Variants in KLF12 observed in about 807,000 individuals in gnomAD.
KLF12 encodes the protein Krueppel-like factor 12.
In KLF12, 9 loss-of-function variants were observed where a neutral mutation model predicts 37.8. That is an observed-to-expected ratio of 0.24 (90% CI 0.14 to 0.42). The LOEUF (loss-of-function observed/expected upper bound fraction) is 0.42. Ranked by LOEUF, KLF12 falls within the 10% of genes least tolerant of loss-of-function variation. The pLI is 1.00. For synonymous variants in KLF12, 208 were observed against 202.1 expected (o/e 1.03, Z -0.25); for missense variants, 411 against 516.0 (o/e 0.80, Z 1.97).
At chr13:74,160,553 C>A in the KLF12 span, among the ~76,000 whole-genome samples, 1 of 152,176 alleles carries the variant, frequency 6.6e-6, no homozygotes, top group Non-Finnish European at 1.5e-5. Flanking sequence ...AATAAAGTGT[C>A]TTTATGTAAG....
chr13:73,888,178 A>AT (rs1158327912), intron 3 of KLF12, among the ~76,000 whole-genome samples: 18 of 151,978 alleles, frequency 1.2e-4, no homozygotes, highest in Admixed American at 1.0e-3. Flanking sequence ...AATCTTCTGT[A>AT]TTTTTTGCAG....
intron 7 of KLF12, among the ~76,000 whole-genome samples, chr13:73,711,366 G>C (rs1875385418): frequency 6.6e-6 from 1 of 152,228 alleles, no homozygotes; most frequent in Admixed American, 6.5e-5. Flanking sequence ...TTCTGAGCTA[G>C]AGAGGAGAAG....
chr13:74,272,661 C>G, the KLF12 span, among the ~76,000 whole-genome samples: 2 of 152,046 alleles, frequency 1.3e-5, no homozygotes, highest in Non-Finnish European at 1.5e-5. Context: ...CTGAAAGAAA[C>G]AAGAATAAAC....
chr13:73,763,697 T>C (rs913486207), intron 6 of KLF12, among the ~76,000 whole-genome samples: 3 of 152,198 alleles, frequency 2.0e-5, no homozygotes, highest in Non-Finnish European at 2.9e-5. Context: ...ACTCTACCCA[T>C]TAGCTTGTGG....
chr13:73,818,595 C>A (rs1206631844), intron 4 of KLF12, among the ~76,000 whole-genome samples: 1 of 152,250 alleles, frequency 6.6e-6, no homozygotes, highest in African/African-American at 2.4e-5. Context: ...TGCACCCACT[C>A]TTAAGGAAAA....
intron 7 of KLF12, among the ~76,000 whole-genome samples, chr13:73,711,999 A>G (rs1183228612): frequency 1.3e-5 from 2 of 152,198 alleles, no homozygotes; most frequent in African/African-American, 4.8e-5. Flanking sequence ...CAGGGCTTCC[A>G]TGGAGAAAGG....
chr13:73,964,580 T>C (rs550645127), intron 2 of KLF12, among the ~76,000 whole-genome samples: 34 of 143,544 alleles, frequency 2.4e-4, no homozygotes, highest in African/African-American at 7.4e-4. Context: ...CCATCCTGGC[T>C]AACATGGTGA....
intron 3 of KLF12, among the ~76,000 whole-genome samples, chr13:73,887,703 T>C (rs1197259418): frequency 7.0e-6 from 1 of 142,114 alleles, no homozygotes; most frequent in Admixed American, 7.0e-5. Context: ...TTAAAAAGGT[T>C]CATTTTGTTC....
chr13:73,959,883 A>G (rs764656361), intron 2 of KLF12, among the ~76,000 whole-genome samples: 4 of 152,156 alleles, frequency 2.6e-5, no homozygotes, highest in Non-Finnish European at 5.9e-5. Context: ...GCAAACCACC[A>G]CCACCTTTTG....
chr13:74,150,415 C>T, the KLF12 span, among the ~76,000 whole-genome samples: 1 of 152,190 alleles, frequency 6.6e-6, no homozygotes. Context: ...ACATTTCGTT[C>T]ATGCCTTTCA....
intron 1 of KLF12, among the ~76,000 whole-genome samples, chr13:73,997,709 G>GT (rs143762106): frequency 0.072 from 10,924 of 152,276 alleles, 518 homozygotes; most frequent in Non-Finnish European, 0.1. Flanking sequence ...AAGCACAGAA[G>GT]TTTTAAAGGC....
intron 5 of KLF12, among the ~76,000 whole-genome samples, chr13:73,788,903 G>C (rs921731973): frequency 6.6e-6 from 1 of 152,066 alleles, no homozygotes; most frequent in African/African-American, 2.4e-5. Flanking sequence ...CCACAGTATG[G>C]TAAGTCTCAG....
At chr13:74,144,091 C>T in the KLF12 span, among the ~76,000 whole-genome samples, 2 of 152,260 alleles carry the variant, frequency 1.3e-5, no homozygotes, top group East Asian at 3.9e-4. Flanking sequence ...TTTTTCCATC[C>T]TGTTGGCTGC....
At chr13:74,054,083 G>C (rs1457473895) in intron 1 of KLF12, among the ~76,000 whole-genome samples, 1 of 152,126 alleles carries the variant, frequency 6.6e-6, no homozygotes, top group African/African-American at 2.4e-5. Flanking sequence ...TTAGGGCACT[G>C]TAAATTTTAA....
chr13:74,103,575 A>G (rs763387667), intron 1 of KLF12, among the ~76,000 whole-genome samples: 36 of 152,264 alleles, frequency 2.4e-4, no homozygotes, highest in South Asian at 1.0e-3. Flanking sequence ...CGCAAACTCC[A>G]TATCTTCGGT....
intron 1 of KLF12, among the ~76,000 whole-genome samples, chr13:74,047,669 T>C (rs1386274892): frequency 6.7e-6 from 1 of 150,002 alleles, no homozygotes. Flanking sequence ...CACATTTTGA[T>C]AGCCTAAGAT....
chr13:73,965,966 T>C (rs1891161835), intron 2 of KLF12, among the ~76,000 whole-genome samples: 1 of 152,178 alleles, frequency 6.6e-6, no homozygotes, highest in Admixed American at 6.5e-5. Context: ...GCAGAAAATA[T>C]CAAAAGCCAT....
intron 6 of KLF12, among the ~76,000 whole-genome samples, chr13:73,741,382 G>C (rs1297621935): frequency 6.6e-6 from 1 of 152,170 alleles, no homozygotes; most frequent in Non-Finnish European, 1.5e-5. Flanking sequence ...AAAGCTTTAG[G>C]TTGGTAAGGT....
intron 5 of KLF12, among the ~76,000 whole-genome samples, chr13:73,778,518 C>T (rs1435476910): frequency 6.6e-6 from 1 of 152,136 alleles, no homozygotes; most frequent in Non-Finnish European, 1.5e-5. Context: ...TGCCACCACG[C>T]CCCGTTAGTT....
Sources: gnomAD v4.1 joint callset for allele counts (sites outside exome capture counted in the v4.1 genomes callset) on GRCh38, gnomAD v4.1.1 for gene constraint, MANE v1.5 for transcripts, NCBI Gene and HGNC (gene_info 2026-07-23, HGNC 2026-07-21) for gene names.